Variants in FANCD2 observed in about 807,000 individuals in gnomAD.
FANCD2 encodes Fanconi anemia group D2 protein.
Under a neutral mutation model 192.3 loss-of-function variants are expected in FANCD2, and 131 were observed. The ratio of observed to expected loss-of-function variants is 0.68; its 90% CI spans 0.59 to 0.79. FANCD2 has a LOEUF of 0.79. Among genes scored for constraint, FANCD2 ranks in the 30% least tolerant of loss-of-function variants. The probability of loss-of-function intolerance (pLI) is 0.00; values close to 1 mark genes in which losing one functional copy is unlikely to be tolerated. For missense variants in FANCD2, 1,508 were observed against 1,701.6 expected (o/e 0.89, Z 2.00); for synonymous variants, 524 against 612.5 (o/e 0.86, Z 2.13).
chr3:10,065,120 CT>C (rs1163606202), intron 23 of FANCD2, among the ~76,000 whole-genome samples: 1 of 152,040 alleles, frequency 6.6e-6, no homozygotes, highest in Non-Finnish European at 1.5e-5. Context: ...GAAACACTGT[CT>C]CTACTAAAAA....
At position 10,067,229 on chromosome 3, in the gene FANCD2, G is replaced by A. The variant is rs80258959; in HGVS notation, c.2406G>A (p.Gln802=). ...WFREIVNAFC[Q]ETSPEMKGKV... ...TGCAGATTGTAAATGCCTTCTGCCA[G>A]GAAACATCACCTGAGATGAAGGGGA... The change falls in exon 26 of 44, where the codon CAG becomes CAA. Residue 802 remains glutamine, a synonymous_variant. Coordinates refer to ENST00000675286, the MANE Select transcript of FANCD2 (RefSeq NM_001018115.3). The A allele has an allele frequency of 1.2e-6, 2 of 1,612,560 alleles. No individual in the cohort carries two copies. The highest frequency in any genetic ancestry group is 1.7e-6 in the Non-Finnish European group (2 of 1,178,666).
chr3:10,050,612 G>A (rs2087171337), intron 17 of FANCD2, among the ~76,000 whole-genome samples: 1 of 111,670 alleles, frequency 9.0e-6, no homozygotes, highest in Non-Finnish European at 1.7e-5. Context: ...GACAGAGCAA[G>A]ACTCTGTCTC....
chr3:10,064,853 A>G lies in FANCD2; in HGVS notation c.2146A>G (p.Thr716Ala), dbSNP rs773393663. The G allele has an allele frequency of 1.9e-6, 3 of 1,613,746 alleles. No individual in the cohort carries two copies. Among genetic ancestry groups the G allele is most frequent in the Non-Finnish European group, 2.5e-6 (3 of 1,179,696 alleles). The change falls in exon 23 of 44, where the codon ACC becomes GCC. Residue 716 changes from threonine to alanine, a missense_variant. Thr to Ala is a moderately conservative substitution (Grantham distance 58, BLOSUM62 0). Coordinates refer to ENST00000675286, the MANE Select transcript of FANCD2 (RefSeq NM_001018115.3). ...QDFAKDGGPV[T>A]SQESGQKLVS... ...CTTTGCAAAAGATGGGGGTCCGGTGACCTCACAGGAATCAGGCCAAAAGTC... is the reference window on the plus strand; with the variant it reads ...CTTTGCAAAAGATGGGGGTCCGGTGGCCTCACAGGAATCAGGCCAAAAGTC...
chr3:10,043,302 G>A (rs2086912396), intron 12 of FANCD2, 152 bp downstream of exon 12: 2 of 789,364 alleles, frequency 2.5e-6, no homozygotes, highest in African/African-American at 1.7e-5. Context: ...ATGTGAGTAT[G>A]TATGTGTTTA....
At chr3:10,078,828 A>C (rs1008225284) in intron 30 of FANCD2, among the ~76,000 whole-genome samples, 1 of 151,792 alleles carries the variant, frequency 6.6e-6, no homozygotes, top group Non-Finnish European at 1.5e-5. Context: ...CTAGCCGGGC[A>C]TGGTGGTGCA....
intron 12 of FANCD2, 85 bp from the exon 13 acceptor site, chr3:10,043,399 C>T (rs1265025935): frequency 1.0e-5 from 11 of 1,102,776 alleles, no homozygotes; most frequent in Non-Finnish European, 1.5e-5. Context: ...GTCATTTGCT[C>T]CAGGGTACAT....
chr3:10,064,055 C>G, intron 21 of FANCD2, 144 bp downstream of exon 21: 3 of 1,132,440 alleles, frequency 2.6e-6, no homozygotes, highest in Non-Finnish European at 3.9e-6. Flanking sequence ...CTGCCCTACC[C>G]TGTCTCACGG....
intron 2 of FANCD2, among the ~76,000 whole-genome samples, chr3:10,029,853 G>A (rs954331662): frequency 3.9e-5 from 6 of 152,026 alleles, no homozygotes; most frequent in African/African-American, 1.2e-4. Flanking sequence ...GCACAATCTC[G>A]GCTCACTGCA....
chr3:10,087,417 C>T (rs1368248025), intron 34 of FANCD2, among the ~76,000 whole-genome samples, 153 bp downstream of exon 34: 2 of 151,442 alleles, frequency 1.3e-5, no homozygotes, highest in African/African-American at 4.9e-5. Flanking sequence ...AGGTCATTTT[C>T]CCAGAACAAC....
intron 8 of FANCD2, 45 bp from the exon 9 acceptor site, chr3:10,039,676 A>T (rs537015333): frequency 2.5e-6 from 4 of 1,611,874 alleles, no homozygotes; most frequent in Middle Eastern, 1.7e-4. Flanking sequence ...GTCTTTCTTT[A>T]TTCTGGGTAA....
intron 14 of FANCD2, among the ~76,000 whole-genome samples, chr3:10,044,627 A>C (rs1051635090): frequency 5.3e-5 from 8 of 151,962 alleles, no homozygotes; most frequent in Non-Finnish European, 8.8e-5. Flanking sequence ...TTAGGTGCTG[A>C]TTGGTTGCCT....
At chr3:10,089,139 G>A (rs796113750) in intron 36 of FANCD2, among the ~76,000 whole-genome samples, 189 bp downstream of exon 36, 1 of 152,080 alleles carries the variant, frequency 6.6e-6, no homozygotes, top group South Asian at 2.1e-4. Flanking sequence ...ACAAAAATTA[G>A]CCGGGCGTGG....
chr3:10,088,415 A>T (rs779632231), intron 34 of FANCD2, 34 bp from the exon 35 acceptor site: 16 of 1,259,778 alleles, frequency 1.3e-5, no homozygotes, highest in Non-Finnish European at 1.9e-5. Flanking sequence ...TCAAGTTCCC[A>T]TATGTAAGAT....
intron 32 of FANCD2, 197 bp downstream of exon 32, chr3:10,081,661 GT>G (rs1693845783): frequency 3.2e-6 from 2 of 615,548 alleles, no homozygotes; most frequent in Non-Finnish European, 5.8e-6. Context: ...GAGCCACTAT[GT>G]TAACCCATTT....
At position 10,052,454 on chromosome 3, in the gene FANCD2, C is replaced by T; in HGVS notation, c.1613C>T (p.Thr538Ile). The change falls in exon 18 of 44, where the codon ACA (threonine) becomes ATA (isoleucine). Residue 538 changes from threonine (T) to isoleucine (I), a missense_variant. This residue lies in a region of FANCD2 where 110 missense variants were observed against 114.4 expected (regional missense o/e 0.96). Coordinates refer to ENST00000675286, the MANE Select transcript of FANCD2 (RefSeq NM_001018115.3). The stretch of plus-strand genomic sequence containing the variant: ...CGAAAACTCTTCTATGTTCTCAGCA[C>T]ACTGGCATTTAGCAAACAGAATGAA... ...QIRKLFYVLS[T>I]LAFSKQNEAS... 6 of 1,612,598 alleles carry T rather than the reference C, an allele frequency of 3.7e-6. No individual in the cohort carries two copies. The highest frequency in any genetic ancestry group is 5.1e-6 in the Non-Finnish European group (6 of 1,179,836).
At position 10,098,947 on chromosome 3, in the gene FANCD2, A is replaced by G. The variant is rs749940072; in HGVS notation, c.4281+132A>G. Reference sequence around the variant, plus strand: ...TTCTATGCCCATTTCCATTCCCTCCATAACAGCTTCTGTGCTTATATAATT... The same window carrying G: ...TTCTATGCCCATTTCCATTCCCTCCGTAACAGCTTCTGTGCTTATATAATT... On this transcript the variant is annotated intron_variant, in intron 43 of 43. Coordinates refer to ENST00000675286, the MANE Select transcript of FANCD2 (RefSeq NM_001018115.3). 5.0e-6 allele frequency: 8 copies of G among 1,614,076 alleles called. No homozygotes were observed. In the Admixed American group the frequency reaches 8.3e-5, roughly 17 times the overall value.
intron 34 of FANCD2, among the ~76,000 whole-genome samples, 177 bp from the exon 35 acceptor site, chr3:10,088,272 A>G (rs1694355424): frequency 6.6e-6 from 1 of 152,198 alleles, no homozygotes; most frequent in Admixed American, 6.5e-5. Flanking sequence ...ATGTCTGGCA[A>G]AAGGGCCAGT....
rs1693431419 is a variant in FANCD2 at position 10,074,566 on chromosome 3, C to A, written c.2752C>A (p.Leu918Ile). The A allele has an allele frequency of 6.2e-7, 1 of 1,613,810 alleles. No homozygotes were observed. Among genetic ancestry groups the A allele is most frequent in the Non-Finnish European group, 8.5e-7 (1 of 1,179,840 alleles). The change falls in exon 29 of 44, where the codon CTA becomes ATA. Residue 918 changes from leucine (L) to isoleucine (I), a missense_variant. Coordinates refer to ENST00000675286, the MANE Select transcript of FANCD2 (RefSeq NM_001018115.3). The stretch of plus-strand genomic sequence containing the variant: ...GAAGGAAGAAAAGACATCATTGTTA[C>A]TACATAATTCCCATGCTTTTTTCCG... ...TGKEEKTSLLLHNSHAFFREL... is the reference protein window; with the variant it reads ...TGKEEKTSLLIHNSHAFFREL...
chr3:10,090,345 T>A lies in FANCD2; in HGVS notation c.3737T>A (p.Val1246Glu), dbSNP rs2125081493. Residue 1246 changes from valine to glutamate, a missense_variant, in exon 37 of 44, where the codon GTG becomes GAG. Physicochemically the swap from Val to Glu is moderately radical, Grantham distance 121. This residue lies in a region of FANCD2 where 796 missense variants were observed against 879.4 expected (regional missense o/e 0.91). Coordinates refer to ENST00000675286, the MANE Select transcript of FANCD2 (RefSeq NM_001018115.3). ...ATGATGGCTGAACTAGAGAAGACGG[T>A]GAAAAAAATTGAGCCTGGCACAGCA... is the stretch of plus-strand genomic sequence containing the variant. ...RVMMAELEKT[V>E]KKIEPGTAAD... 1 of 1,611,506 alleles carries A rather than the reference T, an allele frequency of 6.2e-7. No individual in the cohort carries two copies. The highest frequency in any genetic ancestry group is 8.5e-7 in the Non-Finnish European group (1 of 1,179,380).
Sources: gnomAD v4.1 joint callset for allele counts (sites outside exome capture counted in the v4.1 genomes callset) on GRCh38, gnomAD v4.1.1 for gene constraint, gnomAD v4.1.1 regional missense constraint, MANE v1.5 for transcripts, NCBI Gene and HGNC (gene_info 2026-07-23, HGNC 2026-07-21) for gene names.